EEF1D: variants seen among roughly 807,000 people sequenced by gnomAD.
EEF1D encodes eukaryotic translation elongation factor 1 delta.
Under a neutral mutation model 63.9 loss-of-function variants are expected in EEF1D, and 47 were observed. The observed-to-expected ratio is 0.74, with a 90% CI of 0.58 to 0.94. EEF1D has a LOEUF of 0.94. Ranked by LOEUF, EEF1D falls within the 40% of genes least tolerant of loss-of-function variation. The pLI, the probability that EEF1D is intolerant of heterozygous loss-of-function variation, is 0.00. For synonymous variants in EEF1D, 412 were observed against 386.1 expected (o/e 1.07, Z -0.79); for missense variants, 907 against 899.0 (o/e 1.01, Z -0.11).
rs921352131 is a variant in EEF1D at position 143,595,010 on chromosome 8, A to G, written c.-15+2338T>C. 3.3e-5 allele frequency among the ~76,000 whole-genome samples: 5 copies of G among 152,158 alleles called. No homozygotes were observed. In the East Asian group the frequency reaches 5.8e-4, roughly 18 times the overall value. On this transcript the variant is annotated intron_variant, in intron 1 of 9. Coordinates refer to ENST00000618139, the MANE Select transcript of EEF1D (RefSeq NM_001130053.5). ...AACCTCCAACTCCCCGGTTCAAGCG[A>G]TTCTCCTGCCTCAGCCTCCCAAGTA... is the stretch of plus-strand genomic sequence containing the variant.
At position 143,580,167 on chromosome 8, in the gene EEF1D, C is replaced by T. The variant is rs771863100; in HGVS notation, c.1750G>A (p.Val584Met). 2.5e-6 allele frequency: 4 copies of T among 1,613,642 alleles called. No homozygotes were observed. The highest frequency in any genetic ancestry group is 3.4e-6 in the Non-Finnish European group (4 of 1,180,020). The stretch of plus-strand genomic sequence containing the variant: ...AGCCCGTCCAGCTGGATAGAGCGCA[C>T]ACAGGCCTCCAGCTGGGCCATGTCC... ...ETDMAQLEAC[V>M]RSIQLDGLVW... Residue 584 changes from valine (V) to methionine (M), a missense_variant, in exon 9 of 10, where the codon GTG becomes ATG. Physicochemically the swap from Val to Met is conservative, Grantham distance 21 (BLOSUM62 1). Coordinates refer to ENST00000618139, the MANE Select transcript of EEF1D (RefSeq NM_001130053.5).
intron 5 of EEF1D, chr8:143,582,481 C>A (rs897108997): frequency 6.6e-6 from 1 of 152,294 alleles, no homozygotes; most frequent in Non-Finnish European, 1.5e-5. Context: ...TCACAGCAGA[C>A]CTCCCGCGGG....
intron 7 of EEF1D, 88 bp downstream of exon 7, chr8:143,580,966 C>G: frequency 6.9e-7 from 1 of 1,440,264 alleles, no homozygotes; most frequent in Admixed American, 1.7e-5. Context: ...CAGCTCATCA[C>G]TGCTGCTGGG....
In EEF1D at chr8:143,589,539, A is replaced by C; in HGVS notation, c.543T>G (p.Ser181=). The change falls in exon 3 of 10, where the codon TCT becomes TCG. Residue 181 remains serine (S), a synonymous_variant. Transcript: ENST00000618139. ...DQAERAFVEW[S]QALLLAPDGS... ...CGTCGGGGGCCAGCAACAGGGCCTG[A>C]GACCACTCCACGAAGGCCCGCTCAG... 1 of 1,515,232 alleles carries C rather than the reference A, an allele frequency of 6.6e-7. No homozygotes were observed. The highest frequency in any genetic ancestry group is 8.8e-7 in the Non-Finnish European group (1 of 1,130,966). The allele number at this position is 1,515,232 out of a possible 1,614,324, so 93.9% of individuals were successfully genotyped here.
intron 5 of EEF1D, among the ~76,000 whole-genome samples, chr8:143,585,463 T>C (rs1019904998): frequency 6.6e-6 from 1 of 152,186 alleles, no homozygotes; most frequent in Non-Finnish European, 1.5e-5. Flanking sequence ...GTGAGACACA[T>C]TTCAGATTTC....
At chr8:143,581,578 G>A in intron 5 of EEF1D, 1 of 566,528 alleles carries the variant, frequency 1.8e-6, no homozygotes. Flanking sequence ...GCTGTGGGGA[G>A]CTGGGCCATG....
intron 3 of EEF1D, among the ~76,000 whole-genome samples, chr8:143,588,044 GC>G (rs1827052002): frequency 6.6e-6 from 1 of 152,200 alleles, no homozygotes; most frequent in Non-Finnish European, 1.5e-5. Context: ...AGCGTCCTCT[GC>G]GTCCCTGACC....
intron 5 of EEF1D, chr8:143,582,587 C>G (rs1825769113): frequency 6.6e-6 from 1 of 152,280 alleles, no homozygotes; most frequent in Admixed American, 6.5e-5. Context: ...AAAAGGTCCC[C>G]TCTGGAAGAG....
chr8:143,581,027 A>G (rs367999762), intron 7 of EEF1D, 27 bp downstream of exon 7: 202 of 1,605,222 alleles, frequency 1.3e-4, no homozygotes, highest in Middle Eastern at 4.4e-4. Flanking sequence ...GGTCCCCTGC[A>G]GTGTCAGGCG....
chr8:143,581,175 C>T lies in EEF1D; in HGVS notation c.1388-21G>A, dbSNP rs761268103. The T allele has an allele frequency of 5.0e-6, 8 of 1,612,874 alleles. No homozygotes were observed. The Admixed American group carries it at 5.0e-5, about 10-fold the overall frequency. On this transcript the variant is annotated intron_variant, in intron 6 of 9. Coordinates refer to ENST00000618139, the MANE Select transcript of EEF1D (RefSeq NM_001130053.5). ...TACCACTGGGGGGGCAAGGGGAGCA[C>T]GGTTAGATGGCAGGGGCCAGGGACA... is the stretch of plus-strand genomic sequence containing the variant.
At chr8:143,588,693 G>A (rs1827194723) in intron 3 of EEF1D, 1 of 453,110 alleles carries the variant, frequency 2.2e-6, no homozygotes, top group East Asian at 4.0e-5. Flanking sequence ...GACTTGGGGA[G>A]CTTCCCAGCC....
intron 5 of EEF1D, chr8:143,585,994 G>A (rs1037592883): frequency 1.9e-5 from 9 of 465,878 alleles, no homozygotes; most frequent in South Asian, 8.9e-5. Context: ...CAGTGTGACC[G>A]CCAGCCGGCA....
At position 143,589,962 on chromosome 8, in the gene EEF1D, C is replaced by T. The variant is rs1827626346; in HGVS notation, c.120G>A (p.Gln40=). 2 of 1,598,846 alleles carry T rather than the reference C, an allele frequency of 1.3e-6. No homozygotes were observed. The highest frequency in any genetic ancestry group is 1.1e-5 in the South Asian group (1 of 91,030). ...TGGCTGGCCCCTCGGCTGGCAGCTGCTGGGCGGAGGCGGCCGCCTGTGTGG... is the reference window on the plus strand; with the variant it reads ...TGGCTGGCCCCTCGGCTGGCAGCTGTTGGGCGGAGGCGGCCGCCTGTGTGG... ...HEATQAAASA[Q]QLPAEGPAMN... is the part of the protein sequence containing the mutation. Residue 40 remains glutamine, a synonymous_variant, in exon 3 of 10, where the codon CAG becomes CAA. Coordinates refer to ENST00000618139, the MANE Select transcript of EEF1D (RefSeq NM_001130053.5).
At chr8:143,588,818 G>T in intron 3 of EEF1D, 173 bp downstream of exon 3, 1 of 882,866 alleles carries the variant, frequency 1.1e-6, no homozygotes, top group Non-Finnish European at 1.7e-6. Flanking sequence ...ACCCACAAGC[G>T]CAGCACCACC....
rs757607960 is a variant in EEF1D, at chr8:143,588,977, C to T, written c.1091+14G>A. ...CAGCCCAGGCTGGGTGCCCACCCAGCACGTTTCTCCTACTTGGGTCTCAGG... is the reference window on the plus strand; with the variant it reads ...CAGCCCAGGCTGGGTGCCCACCCAGTACGTTTCTCCTACTTGGGTCTCAGG... On this transcript the variant is annotated intron_variant, in intron 3 of 9. Coordinates refer to ENST00000618139, the MANE Select transcript of EEF1D (RefSeq NM_001130053.5). 4 of 1,591,004 alleles carry T rather than the reference C, an allele frequency of 2.5e-6. No individual in the cohort carries two copies. In the South Asian group the frequency reaches 4.4e-5, roughly 18 times the overall value.
chr8:143,591,071 T>C (rs2131196200), intron 2 of EEF1D, among the ~76,000 whole-genome samples: 1 of 152,352 alleles, frequency 6.6e-6, no homozygotes, highest in African/African-American at 2.4e-5. Context: ...GAGACGGCTC[T>C]AGGCTCTCTA....
At chr8:143,582,707 G>C (rs116668352) in intron 5 of EEF1D, 1 of 149,678 alleles carries the variant, frequency 6.7e-6, no homozygotes, top group Non-Finnish European at 1.5e-5. Flanking sequence ...CAGGACACAG[G>C]GAGAGTCCCC....
chr8:143,592,346 G>T (rs7830957), intron 2 of EEF1D: 813,235 of 906,488 alleles, frequency 0.9, 368,872 homozygotes, highest in Non-Finnish European at 0.93. Flanking sequence ...TCAGGGAGGG[G>T]AAGCCACTTC....
At chr8:143,595,582 T>C (rs2131321445) in intron 1 of EEF1D, among the ~76,000 whole-genome samples, 1 of 152,340 alleles carries the variant, frequency 6.6e-6, no homozygotes, top group South Asian at 2.1e-4. Flanking sequence ...CCCCTGGATA[T>C]TCCAGCCCCA....
Sources: allele counts gnomAD v4.1 joint callset (sites outside exome capture counted in the v4.1 genomes callset), GRCh38; gene constraint gnomAD v4.1.1; transcripts MANE v1.5; gene names NCBI Gene and HGNC (gene_info 2026-07-23, HGNC 2026-07-21).